The following THOC7 variants were observed in gnomAD, a reference collection of about 807,000 sequenced individuals.
THOC7 encodes NIF3L1-binding protein 1.
A neutral mutation model predicts 33.1 loss-of-function variants in THOC7; 22 were observed. That is an observed-to-expected ratio of 0.66 (90% CI 0.47 to 0.95). THOC7 has a LOEUF of 0.95. THOC7 is among the 40% of genes least tolerant of loss of function. The pLI is 0.00. For synonymous variants in THOC7, 77 were observed against 76.8 expected (o/e 1.00, Z -0.01); for missense variants, 184 against 245.3 (o/e 0.75, Z 1.67).
upstream of THOC7, chr3:63,864,484 G>A (rs1446739488): frequency 2.0e-5 from 3 of 152,144 alleles, no homozygotes. Flanking sequence ...AATCAAAAAA[G>A]GCCCCGGGTT....
intron 1 of THOC7, among the ~76,000 whole-genome samples, chr3:63,841,556 T>C (rs542787557): frequency 6.6e-6 from 1 of 152,192 alleles, no homozygotes; most frequent in East Asian, 1.9e-4. Flanking sequence ...GGCAGATGGC[T>C]CCAGTTTTAA....
chr3:63,854,596 AATAC>A (rs1386614244), intron 1 of THOC7: 1 of 152,154 alleles, frequency 6.6e-6, no homozygotes, highest in East Asian at 1.9e-4. Context: ...TCTAAACCAA[AATAC>A]TTGACACCTG....
intron 1 of THOC7, among the ~76,000 whole-genome samples, chr3:63,862,264 A>C (rs1453042312): frequency 6.6e-6 from 1 of 152,234 alleles, no homozygotes; most frequent in Non-Finnish European, 1.5e-5. Context: ...CTACCAACCC[A>C]GAACACCAGT....
chr3:63,851,773 T>C (rs1239308075), intron 1 of THOC7, among the ~76,000 whole-genome samples: 1 of 152,204 alleles, frequency 6.6e-6, no homozygotes, highest in Non-Finnish European at 1.5e-5. Context: ...TTAGCCCTTC[T>C]CTGTATATAA....
At chr3:63,863,001 G>A (rs1017765212) in intron 1 of THOC7, among the ~76,000 whole-genome samples, 3 of 151,638 alleles carry the variant, frequency 2.0e-5, no homozygotes, top group Non-Finnish European at 2.9e-5. Context: ...ATCTTTTATC[G>A]TCCTGATCTA....
At chr3:63,855,080 C>T (rs1437049290) in intron 1 of THOC7, among the ~76,000 whole-genome samples, 1 of 152,036 alleles carries the variant, frequency 6.6e-6, no homozygotes, top group Non-Finnish European at 1.5e-5. Context: ...TATGACCACA[C>T]ATTGTCTAGA....
At chr3:63,836,623 G>A (rs1186610892) in intron 4 of THOC7, among the ~76,000 whole-genome samples, 1 of 151,850 alleles carries the variant, frequency 6.6e-6, no homozygotes, top group Non-Finnish European at 1.5e-5. Flanking sequence ...GTCAGCATAA[G>A]CATAAGCAAA....
intron 1 of THOC7, among the ~76,000 whole-genome samples, chr3:63,857,634 G>A (rs1702138601): frequency 6.6e-6 from 1 of 152,162 alleles, no homozygotes; most frequent in Admixed American, 6.5e-5. Context: ...ACAATATTAA[G>A]GAGACACATA....
chr3:63,863,432 C>A (rs912201208), intron 1 of THOC7: 3 of 1,108,268 alleles, frequency 2.7e-6, no homozygotes, highest in Middle Eastern at 3.9e-4. Context: ...GTCCCACCCG[C>A]CCTTGCACCG....
chr3:63,835,325 T>G lies in THOC7; in HGVS notation c.476A>C (p.Lys159Thr). ...LSHIKESVED[K>T]LELRRKQFHV... Reference sequence around the variant, plus strand: ...AAGGCTAAATATATATGCGAATACCTTATCTTCAACACTTTCTTTAATGTG... The same window carrying G: ...AAGGCTAAATATATATGCGAATACCGTATCTTCAACACTTTCTTTAATGTG... The change falls in exon 6 of 8, where the codon AAG becomes ACG. Residue 159 changes from lysine to threonine, a missense_variant and splice_region_variant. Lys to Thr is a moderately conservative substitution (Grantham distance 78). Around this residue, in one of 3 missense-constraint regions of THOC7, gnomAD observed 157 missense variants for 201.3 expected, o/e 0.78. Coordinates refer to ENST00000295899, the MANE Select transcript of THOC7 (RefSeq NM_025075.4). The G allele has an allele frequency of 2.5e-6, 4 of 1,613,556 alleles. No individual in the cohort carries two copies. The highest frequency in any genetic ancestry group is 3.4e-6 in the Non-Finnish European group (4 of 1,179,710).
chr3:63,836,297 T>G lies in THOC7; in HGVS notation c.410+4A>C, dbSNP rs780787227. On this transcript the variant is annotated splice_donor_region_variant and intron_variant, in intron 5 of 7. Coordinates refer to ENST00000295899, the MANE Select transcript of THOC7 (RefSeq NM_025075.4). ...TTCCTTTCAAAGTAAAGCTCTACAC[T>G]TACTTTAATGTCTCATGCCTGTCTG... is the stretch of plus-strand genomic sequence containing the variant. The G allele has an allele frequency of 1.6e-5, 26 of 1,612,098 alleles. 1 individual carries two copies. The highest frequency in any genetic ancestry group is 1.3e-5 in the Non-Finnish European group (15 of 1,178,804).
At chr3:63,850,570 A>ATCTT (rs988265182) in intron 1 of THOC7, among the ~76,000 whole-genome samples, 2 of 137,854 alleles carry the variant, frequency 1.5e-5, no homozygotes, top group Admixed American at 7.5e-5. Flanking sequence ...TGTGCAATTT[A>ATCTT]TCTTTCTTTC....
upstream of THOC7, among the ~76,000 whole-genome samples, chr3:63,864,233 G>A (rs1389568772): frequency 6.6e-6 from 1 of 150,758 alleles, no homozygotes; most frequent in African/African-American, 2.4e-5. Flanking sequence ...CGGGGTCCCG[G>A]CTTCTTCCCC....
In THOC7 at chr3:63,863,687, C is replaced by T. The variant is rs902646748; in HGVS notation, c.19+85G>A. The stretch of plus-strand genomic sequence containing the variant: ...GAGGCCGGGGAGGCCGAGGGGTTCC[C>T]GGAAGCGGGCCGGGAGGCCAGGGGT... On this transcript the variant is annotated intron_variant, in intron 1 of 7. Coordinates refer to ENST00000295899, the MANE Select transcript of THOC7 (RefSeq NM_025075.4). The T allele has an allele frequency of 8.9e-6, 11 of 1,238,230 alleles. No individual in the cohort carries two copies. In the African/African-American group the frequency reaches 1.1e-4, roughly 12 times the overall value. 76.7% of individuals were successfully genotyped at this position (1,238,230 alleles called of 1,614,324 possible). A position where few individuals can be genotyped will look rare whatever the true frequency, so the allele number is the denominator to read the frequency against.
At position 63,863,451 on chromosome 3, in the gene THOC7, C is replaced by T. The variant is rs148334967; in HGVS notation, c.19+321G>A. On this transcript the variant is annotated intron_variant, in intron 1 of 7. Transcript: ENST00000295899. Reference sequence around the variant, plus strand: ...CACCCGCCCTTGCACCGCTTCTAGCCGTCTCGGCCACCCACGTGTGTTCCC... The same window carrying T: ...CACCCGCCCTTGCACCGCTTCTAGCTGTCTCGGCCACCCACGTGTGTTCCC... 2.6e-4 allele frequency: 292 copies of T among 1,137,344 alleles called. No homozygotes were observed. The African/African-American group carries it at 4.3e-3, about 17-fold the overall frequency. 70.5% of individuals were successfully genotyped at this position (1,137,344 alleles called of 1,614,324 possible). A position where few individuals can be genotyped will look rare whatever the true frequency, so the allele number is the denominator to read the frequency against.
intron 1 of THOC7, among the ~76,000 whole-genome samples, chr3:63,841,530 G>A (rs1701760737): frequency 6.6e-6 from 1 of 152,192 alleles, no homozygotes; most frequent in Non-Finnish European, 1.5e-5. Context: ...AGGTGCAGCG[G>A]AGATAAACTT....
intron 1 of THOC7, chr3:63,846,192 T>G (rs1303565134): frequency 2.9e-5 from 13 of 452,518 alleles, no homozygotes; most frequent in Non-Finnish European, 5.3e-5. Flanking sequence ...ATATTCAGTC[T>G]GCTTTGTCTG....
At chr3:63,858,094 C>G (rs1702145061) in intron 1 of THOC7, among the ~76,000 whole-genome samples, 1 of 152,152 alleles carries the variant, frequency 6.6e-6, no homozygotes, top group Admixed American at 6.5e-5. Context: ...ATAGGAATAA[C>G]AGCAGCAGCA....
chr3:63,839,132 G>A (rs1298150732), intron 2 of THOC7, among the ~76,000 whole-genome samples: 2 of 152,132 alleles, frequency 1.3e-5, no homozygotes, highest in African/African-American at 2.4e-5. Flanking sequence ...GGAGGTTGCA[G>A]TGAGCCAAGA....
Sources: allele counts gnomAD v4.1 joint callset (sites outside exome capture counted in the v4.1 genomes callset), GRCh38; gene constraint gnomAD v4.1.1; regional missense constraint gnomAD v4.1.1; transcripts MANE v1.5; gene names NCBI Gene and HGNC (gene_info 2026-07-23, HGNC 2026-07-21).